Variants in FAM135A observed in about 807,000 individuals in gnomAD.
FAM135A encodes family with sequence similarity 135 member A, also known as protein FAM135A.
A neutral mutation model predicts 146.8 loss-of-function variants in FAM135A; 79 were observed. The ratio of observed to expected loss-of-function variants is 0.54; its 90% CI spans 0.45 to 0.65. The LOEUF is 0.65. FAM135A is among the 30% of genes least tolerant of loss of function. The probability of loss-of-function intolerance (pLI) is 0.00; values close to 1 mark genes in which losing one functional copy is unlikely to be tolerated. For synonymous variants in FAM135A, 562 were observed against 603.6 expected (o/e 0.93, Z 1.01); for missense variants, 1,623 against 1,758.2 (o/e 0.92, Z 1.38).
At chr6:70,552,518 G>A (rs1268437182) in intron 20 of FAM135A, among the ~76,000 whole-genome samples, 2 of 148,704 alleles carry the variant, frequency 1.3e-5, no homozygotes, top group East Asian at 4.0e-4. Flanking sequence ...GCTCAGGCTG[G>A]AGTACAGTGG....
At chr6:70,553,622 C>CCAGA (rs1441064709) in intron 20 of FAM135A, among the ~76,000 whole-genome samples, 1 of 152,012 alleles carries the variant, frequency 6.6e-6, no homozygotes, top group Non-Finnish European at 1.5e-5. Flanking sequence ...TTTATCCCTC[C>CCAGA]CAGACATGTT....
chr6:70,555,354 C>T (rs1185929316), intron 20 of FAM135A, among the ~76,000 whole-genome samples: 2 of 152,128 alleles, frequency 1.3e-5, no homozygotes, highest in African/African-American at 2.4e-5. Flanking sequence ...CAGCCTGCAC[C>T]TCCTGGGCTC....
Position 70,526,070 on chromosome 6 carries a change from A to G in FAM135A, c.2986A>G (p.Met996Val), listed in dbSNP as rs1279883167. The change falls in exon 15 of 22, where the codon ATG (methionine) becomes GTG (valine). Residue 996 changes from methionine (M) to valine (V), a missense_variant. Coordinates refer to ENST00000418814, the MANE Select transcript of FAM135A (RefSeq NM_001162529.3). ...TACAGATGTTAGTGAAGATAGAACT[A>G]TGAAAAAAAATAGTGATGTATTAAA... The part of the protein sequence containing the change: ...SNTDVSEDRT[M>V]KKNSDVLNLT... 8 of 1,612,556 alleles carry G rather than the reference A, an allele frequency of 5.0e-6. No individual in the cohort carries two copies. Among genetic ancestry groups the G allele is most frequent in the African/African-American group, 1.3e-5 (1 of 74,878 alleles).
intron 4 of FAM135A, among the ~76,000 whole-genome samples, chr6:70,438,864 T>C (rs1405567495): frequency 6.6e-6 from 1 of 152,068 alleles, no homozygotes; most frequent in Non-Finnish European, 1.5e-5. Context: ...GTGCTTAAGA[T>C]GGAAAAGACA....
At chr6:70,558,666 G>C (rs914013966) in intron 21 of FAM135A, among the ~76,000 whole-genome samples, 3 of 152,022 alleles carry the variant, frequency 2.0e-5, no homozygotes, top group African/African-American at 7.2e-5. Flanking sequence ...AAATTAGCTA[G>C]GCTAATTAAA....
chr6:70,558,388 A>G (rs1044000236), intron 21 of FAM135A, among the ~76,000 whole-genome samples: 2 of 152,222 alleles, frequency 1.3e-5, no homozygotes, highest in Admixed American at 6.5e-5. Context: ...TTATTAGTAT[A>G]TAGTAATGCA....
chr6:70,476,212 C>T lies in FAM135A; in HGVS notation c.368+479C>T, dbSNP rs572221075. Among the ~76,000 whole-genome samples, 9 of 152,284 alleles carry T rather than the reference C, an allele frequency of 5.9e-5. No homozygotes were observed. In the East Asian group the frequency reaches 1.5e-3, roughly 26 times the overall value. On this transcript the variant is annotated intron_variant, in intron 7 of 21. Transcript: ENST00000418814. Reference sequence around the variant, plus strand: ...TTTAGGATTGGCTACCTCCAACTTACCCACATACCTGGACATGCAGTCATA... The same window carrying T: ...TTTAGGATTGGCTACCTCCAACTTATCCACATACCTGGACATGCAGTCATA...
At chr6:70,506,690 G>A (rs975012234) in intron 12 of FAM135A, among the ~76,000 whole-genome samples, 1 of 150,388 alleles carries the variant, frequency 6.6e-6, no homozygotes, top group Non-Finnish European at 1.5e-5. Context: ...ACATGGGAAA[G>A]GTAATCTTCA....
intron 12 of FAM135A, among the ~76,000 whole-genome samples, chr6:70,519,888 A>C (rs1048774077): frequency 6.7e-6 from 1 of 149,380 alleles, no homozygotes; most frequent in African/African-American, 2.5e-5. Context: ...TACTAAACAT[A>C]CTTTAGTATA....
At chr6:70,427,948 C>A (rs115774852) in intron 3 of FAM135A, among the ~76,000 whole-genome samples, 138 of 152,096 alleles carry the variant, frequency 9.1e-4, no homozygotes, top group African/African-American at 3.1e-3. Flanking sequence ...CAATGTAGCA[C>A]AAGAAGAGAA....
Position 70,464,833 on chromosome 6 carries a change from ATTTTTTTTTT to A in FAM135A, c.158-10557_158-10548del, listed in dbSNP as rs67408160. Among the ~76,000 whole-genome samples the A allele has an allele frequency of 2.1e-3, 138 of 64,320 alleles. 1 individual carries two copies. The East Asian group carries it at 0.033, about 15-fold the overall frequency. 42.2% of individuals were successfully genotyped at this position (64,320 alleles called of 152,430 possible). ...AGGCATGCACCACCACGCCTGGCCA[ATTTTTTTTTT>A]TTTTTTTTTTTTTTTTTTTCAGTAG... On this transcript the variant is annotated intron_variant, in intron 5 of 21. Transcript: ENST00000418814.
rs559772582 is a variant in FAM135A, at chr6:70,543,609, G to A, written c.4228+5208G>A. ...AAATATTCCTACAAAATGAAACATG[G>A]CATATGCTTCTTATGTGAGAAAAAC... On this transcript the variant is annotated intron_variant, in intron 20 of 21. Transcript: ENST00000418814. Among the ~76,000 whole-genome samples, 6 of 152,260 alleles carry A rather than the reference G, an allele frequency of 3.9e-5. No individual in the cohort carries two copies. In the South Asian group the frequency reaches 8.3e-4, roughly 21 times the overall value.
At chr6:70,519,324 G>A (rs1561958076) in intron 12 of FAM135A, among the ~76,000 whole-genome samples, 1 of 152,210 alleles carries the variant, frequency 6.6e-6, no homozygotes, top group African/African-American at 2.4e-5. Flanking sequence ...AACAGAGAAA[G>A]TGGTTTCTTG....
chr6:70,522,262 ATTTAT>A, intron 12 of FAM135A, among the ~76,000 whole-genome samples: 1 of 152,302 alleles, frequency 6.6e-6, no homozygotes, highest in Non-Finnish European at 1.5e-5. Flanking sequence ...AGGGGAGATG[ATTTAT>A]TTTAAGACAA....
intron 5 of FAM135A, among the ~76,000 whole-genome samples, chr6:70,471,549 T>A (rs1024227224): frequency 3.3e-5 from 5 of 151,506 alleles, no homozygotes; most frequent in Non-Finnish European, 7.4e-5. Context: ...TGACACACCC[T>A]GGGGCCTGTT....
intron 12 of FAM135A, among the ~76,000 whole-genome samples, chr6:70,517,415 C>CT (rs746307665): frequency 0.046 from 5,810 of 127,072 alleles, 204 homozygotes; most frequent in African/African-American, 0.086. Context: ...CGTCTTTTTC[C>CT]TTTTTTTTTT....
At chr6:70,444,238 G>A (rs1215502241) in intron 4 of FAM135A, among the ~76,000 whole-genome samples, 1 of 151,852 alleles carries the variant, frequency 6.6e-6, no homozygotes, top group Non-Finnish European at 1.5e-5. Flanking sequence ...CTCTGTCTCT[G>A]CTAAAAATAC....
chr6:70,539,437 G>A (rs545172119), intron 20 of FAM135A, among the ~76,000 whole-genome samples: 7 of 152,240 alleles, frequency 4.6e-5, no homozygotes, highest in Admixed American at 4.6e-4. Context: ...CTGTGTTTCA[G>A]ACAAACTTTA....
rs762318584 is a variant in FAM135A, at chr6:70,526,638, C to G, written c.3554C>G (p.Ser1185Cys). The G allele has an allele frequency of 6.2e-7, 1 of 1,611,048 alleles. No homozygotes were observed. The highest frequency in any genetic ancestry group is 1.1e-5 in the South Asian group (1 of 90,188). ...DAITKQPSST[S>C]YNFTSSISWY... ...ATTACAAAGCAGCCAAGCAGTACTTCTTACAACTTCACTTCTTCGATTTCC... is the reference window on the plus strand; with the variant it reads ...ATTACAAAGCAGCCAAGCAGTACTTGTTACAACTTCACTTCTTCGATTTCC... Residue 1185 changes from serine to cysteine, a missense_variant, in exon 15 of 22, where the codon TCT (serine) becomes TGT (cysteine). Physicochemically the swap from Ser to Cys is moderately radical, Grantham distance 112. This residue lies in a region of FAM135A where 1,061 missense variants were observed against 1,113.8 expected (regional missense o/e 0.95). Transcript: ENST00000418814.
Sources: gnomAD v4.1 joint callset for allele counts (sites outside exome capture counted in the v4.1 genomes callset) on GRCh38, gnomAD v4.1.1 for gene constraint, gnomAD v4.1.1 regional missense constraint, MANE v1.5 for transcripts, NCBI Gene and HGNC (gene_info 2026-07-23, HGNC 2026-07-21) for gene names.